RARB: variants seen among roughly 807,000 people sequenced by gnomAD.
The protein encoded by RARB is HBV-activated protein.
A neutral mutation model predicts 51.9 loss-of-function variants in RARB; 17 were observed. The observed-to-expected ratio is 0.33, with a 90% CI of 0.22 to 0.49. The LOEUF (loss-of-function observed/expected upper bound fraction) is 0.49, where lower values mean the gene tolerates loss of function less well. Among genes scored for constraint, RARB ranks in the 20% least tolerant of loss-of-function variants. The pLI is 0.99. For synonymous variants in RARB, 215 were observed against 195.4 expected (o/e 1.10, Z -0.84); for missense variants, 369 against 550.8 (o/e 0.67, Z 3.30).
At chr3:25,342,719 A>G (rs1355838735) in intron 5 of RARB, among the ~76,000 whole-genome samples, 1 of 152,298 alleles carries the variant, frequency 6.6e-6, no homozygotes. Flanking sequence ...AGCCCTACCT[A>G]TGATACATTT....
intron 5 of RARB, among the ~76,000 whole-genome samples, chr3:25,199,210 C>T (rs931862529): frequency 6.6e-6 from 1 of 151,768 alleles, no homozygotes; most frequent in African/African-American, 2.4e-5. Context: ...AGATAAACAT[C>T]ACATGGTCTC....
intron 5 of RARB, among the ~76,000 whole-genome samples, chr3:25,238,228 C>T (rs769070834): frequency 6.6e-6 from 1 of 151,634 alleles, no homozygotes; most frequent in Non-Finnish European, 1.5e-5. Flanking sequence ...TTTTTTAGTT[C>T]CTACATATGA....
At chr3:25,297,969 T>C (rs2125425791) in intron 5 of RARB, among the ~76,000 whole-genome samples, 1 of 152,324 alleles carries the variant, frequency 6.6e-6, no homozygotes, top group Admixed American at 6.5e-5. Context: ...TTTAATTTAC[T>C]CTGTTTACCT....
chr3:25,460,280 G>A (rs75500188), intron 1 of RARB, among the ~76,000 whole-genome samples: 2,358 of 152,028 alleles, frequency 0.016, 91 homozygotes, highest in East Asian at 0.15. Context: ...TTGGCCCAAG[G>A]AGCCTTCTTT....
rs114439449 is a variant in RARB at position 25,574,915 on chromosome 3, G to A, written c.609+4997G>A. Among the ~76,000 whole-genome samples, 442 of 152,220 alleles carry A rather than the reference G, an allele frequency of 2.9e-3. 2 individuals carry two copies. Among genetic ancestry groups the A allele is most frequent in the African/African-American group, 0.01 (418 of 41,534 alleles). ...CAGGAGGGATAGAAGGTCAGTGGGG[G>A]CCACGAAACCCGAGTTCCAGTCCCC... On this transcript the variant is annotated intron_variant, in intron 4 of 7. Coordinates refer to ENST00000330688, the MANE Select transcript of RARB (RefSeq NM_000965.5).
intron 5 of RARB, among the ~76,000 whole-genome samples, chr3:25,388,962 A>T (rs945229914): frequency 2.0e-5 from 3 of 152,220 alleles, no homozygotes; most frequent in Non-Finnish European, 4.4e-5. Flanking sequence ...TGTTTCATTG[A>T]ATAGAAACAC....
At chr3:25,157,365 T>TGG in intron 4 of RARB, among the ~76,000 whole-genome samples, 1 of 87,482 alleles carries the variant, frequency 1.1e-5, no homozygotes, top group Non-Finnish European at 2.6e-5. Context: ...TGTGTGTGTG[T>TGG]GTGTGTGTGT....
chr3:25,410,390 A>G (rs1707527909), intron 5 of RARB, among the ~76,000 whole-genome samples: 1 of 152,168 alleles, frequency 6.6e-6, no homozygotes, highest in Non-Finnish European at 1.5e-5. Flanking sequence ...CGTGTCCTTT[A>G]GTTCTCATCT....
intron 3 of RARB, among the ~76,000 whole-genome samples, chr3:25,507,656 G>A (rs900254462): frequency 6.6e-6 from 1 of 152,188 alleles, no homozygotes; most frequent in Non-Finnish European, 1.5e-5. Context: ...AGAGGGAGAA[G>A]CAAAGATGGA....
chr3:24,987,476 G>A (rs929826550), intron 2 of RARB, among the ~76,000 whole-genome samples: 8 of 152,226 alleles, frequency 5.3e-5, no homozygotes, highest in African/African-American at 1.9e-4. Flanking sequence ...AATACACACT[G>A]CAAAGGGAGG....
In RARB at chr3:24,876,066, C is replaced by T. The variant is rs949800423; in HGVS notation, c.-380+17314C>T. ...GGTTATATATTTTTAACTAGAGTTC[C>T]ATGGAAGTGATGTGCCCTTTTCAGG... On this transcript the variant is annotated intron_variant, in intron 2 of 11. Coordinates refer to the RARB transcript ENST00000383772. Among the ~76,000 whole-genome samples, 3 of 152,202 alleles carry T rather than the reference C, an allele frequency of 2.0e-5. No homozygotes were observed. The South Asian group carries it at 6.2e-4, about 32-fold the overall frequency.
intron 2 of RARB, among the ~76,000 whole-genome samples, chr3:24,943,833 G>C (rs1401575971): frequency 6.6e-6 from 1 of 152,184 alleles, no homozygotes; most frequent in African/African-American, 2.4e-5. Context: ...TTAGCATTCA[G>C]TGAGGTCAAT....
intron 2 of RARB, among the ~76,000 whole-genome samples, chr3:24,978,075 C>G (rs904176784): frequency 2.6e-5 from 4 of 152,122 alleles, no homozygotes. Context: ...GTATGTTGAA[C>G]CTGCCTTGCA....
intron 5 of RARB, among the ~76,000 whole-genome samples, chr3:25,261,607 A>G (rs1575266865): frequency 6.6e-6 from 1 of 152,220 alleles, no homozygotes; most frequent in South Asian, 2.1e-4. Context: ...AATTCAGGTT[A>G]CAGATGCTGC....
intron 5 of RARB, among the ~76,000 whole-genome samples, chr3:25,298,415 C>T (rs908540724): frequency 1.3e-5 from 2 of 152,048 alleles, no homozygotes; most frequent in African/African-American, 2.4e-5. Flanking sequence ...CTCCTGACCT[C>T]GTGACCCACC....
At chr3:25,273,562 G>C (rs1703302933) in intron 5 of RARB, among the ~76,000 whole-genome samples, 1 of 152,178 alleles carries the variant, frequency 6.6e-6, no homozygotes, top group Non-Finnish European at 1.5e-5. Context: ...GCTAGTCAGA[G>C]ACAGTGATAG....
intron 3 of RARB, among the ~76,000 whole-genome samples, chr3:25,074,735 A>G (rs1698837767): frequency 6.6e-6 from 1 of 152,134 alleles, no homozygotes; most frequent in Admixed American, 6.5e-5. Context: ...AGAAATGGAG[A>G]TGAAACAGAT....
In RARB at chr3:24,990,650, CTCAAACAGTA is replaced by C. The variant is rs1696889543; in HGVS notation, c.-379-69472_-379-69463del. Among the ~76,000 whole-genome samples the C allele has an allele frequency of 2.8e-5, 2 of 72,362 alleles. 1 individual carries two copies. Among genetic ancestry groups the C allele is most frequent in the South Asian group, 1.1e-3 (2 of 1,878 alleles). The allele number at this position is 72,362 out of a possible 152,430, so 47.5% of individuals were successfully genotyped here. On this transcript the variant is annotated intron_variant, in intron 2 of 11. Transcript: ENST00000383772. ...TTCTATTTTGTTTATTTGTCTAGAT[CTCAAACAGTA>C]TCCCTGTGTTTCTTTTAGTGTTTTT...
At chr3:25,382,346 C>A (rs187633178) in intron 5 of RARB, among the ~76,000 whole-genome samples, 1 of 152,152 alleles carries the variant, frequency 6.6e-6, no homozygotes, top group Non-Finnish European at 1.5e-5. Context: ...TACAAACTTT[C>A]AAAGTTGATA....
Sources: allele counts gnomAD v4.1 joint callset (sites outside exome capture counted in the v4.1 genomes callset), GRCh38; gene constraint gnomAD v4.1.1; transcripts MANE v1.5; gene names NCBI Gene and HGNC (gene_info 2026-07-23, HGNC 2026-07-21).